CLEC4A: variants seen among roughly 807,000 people sequenced by gnomAD.
CLEC4A encodes C-type (calcium dependent, carbohydrate-recognition domain) lectin, superfamily member 6.
Under a neutral mutation model 32.7 loss-of-function variants are expected in CLEC4A, and 27 were observed. The ratio of observed to expected loss-of-function variants is 0.83; its 90% CI spans 0.61 to 1.14. The LOEUF (loss-of-function observed/expected upper bound fraction) is 1.14. CLEC4A is among the 50% of genes most tolerant of loss of function. The probability of loss-of-function intolerance (pLI) is 0.00; values close to 1 mark genes in which losing one functional copy is unlikely to be tolerated. For missense variants in CLEC4A, 253 were observed against 274.6 expected, an observed-to-expected ratio of 0.92 and a Z score of 0.55; for synonymous variants, 89 against 93.7, an observed-to-expected ratio of 0.95 and a Z score of 0.29.
intron 3 of CLEC4A, chr12:8,134,461 G>T (rs1175875280): frequency 1.9e-6 from 3 of 1,613,938 alleles, no homozygotes; most frequent in Non-Finnish European, 2.5e-6. Context: ...TCCGGGTTTT[G>T]CTCCAGCTTC....
chr12:8,136,304 C>T (rs1222163187), intron 4 of CLEC4A, among the ~76,000 whole-genome samples: 1 of 152,220 alleles, frequency 6.6e-6, no homozygotes, highest in Non-Finnish European at 1.5e-5. Context: ...CTAGCTCATG[C>T]CTGTAATCCC....
chr12:8,129,918 C>A (rs1379725286), intron 3 of CLEC4A, among the ~76,000 whole-genome samples: 7 of 152,184 alleles, frequency 4.6e-5, no homozygotes, highest in African/African-American at 1.7e-4. Context: ...TCACTACAGC[C>A]TCGACCTCCC....
At chr12:8,133,868 T>TGAGG (rs1258433896) in intron 3 of CLEC4A, 1 of 1,584,970 alleles carries the variant, frequency 6.3e-7, no homozygotes, top group Non-Finnish European at 8.6e-7. Flanking sequence ...TGCAGTGAAG[T>TGAGG]GAGGGCTCCC....
the CLEC4A span, among the ~76,000 whole-genome samples, chr12:8,103,373 G>GTTTTTTTTTTTTTTTTT: frequency 1.5e-3 from 120 of 78,014 alleles, 22 homozygotes; most frequent in East Asian, 2.4e-3. Flanking sequence ...GTTTCTTTCT[G>GTTTTTTTTTTTTTTTTT]TTGTTTTTTT....
intron 3 of CLEC4A, among the ~76,000 whole-genome samples, chr12:8,130,846 T>C (rs909211450): frequency 6.6e-6 from 1 of 152,208 alleles, no homozygotes; most frequent in Non-Finnish European, 1.5e-5. Flanking sequence ...TGGTATATTA[T>C]TAATTAAAAT....
At chr12:8,106,850 T>C in the CLEC4A span, among the ~76,000 whole-genome samples, 2 of 152,304 alleles carry the variant, frequency 1.3e-5, no homozygotes, top group Admixed American at 1.3e-4. Flanking sequence ...CTGTTACTAT[T>C]TGGATACCTT....
At position 8,123,676 on chromosome 12, in the gene CLEC4A, A is replaced by G; in HGVS notation, c.-203A>G. On this transcript the variant is annotated 5_prime_UTR_variant, in exon 1 of 6. Coordinates refer to ENST00000229332, the MANE Select transcript of CLEC4A (RefSeq NM_016184.4). The stretch of plus-strand genomic sequence containing the variant: ...GGTCCTGAGGAAAGGGCTTCTGTGA[A>G]CTGCGGTTTTTAGTTTTTATTGTGG... 1 of 544,272 alleles carries G rather than the reference A, an allele frequency of 1.8e-6. No individual in the cohort carries two copies. Among genetic ancestry groups the G allele is most frequent in the South Asian group, 2.3e-5 (1 of 43,822 alleles). 33.7% of individuals were successfully genotyped at this position (544,272 alleles called of 1,614,324 possible).
At chr12:8,129,674 C>A (rs546497792) in intron 3 of CLEC4A, among the ~76,000 whole-genome samples, 8 of 152,144 alleles carry the variant, frequency 5.3e-5, no homozygotes, top group Non-Finnish European at 7.4e-5. Context: ...ACCTGTAATC[C>A]CAGCTACTCG....
intron 3 of CLEC4A, chr12:8,134,538 C>T (rs1948058254): frequency 6.2e-7 from 1 of 1,613,798 alleles, no homozygotes; most frequent in Non-Finnish European, 8.5e-7. Context: ...ATCGGAGTTG[C>T]TCTCCACCCC....
At chr12:8,115,377 A>G in the CLEC4A span, among the ~76,000 whole-genome samples, 1 of 152,166 alleles carries the variant, frequency 6.6e-6, no homozygotes, top group South Asian at 2.1e-4. Context: ...GATTTAGTAC[A>G]TCTAAGGTGG....
the CLEC4A span, among the ~76,000 whole-genome samples, chr12:8,117,533 C>A: frequency 4.6e-5 from 7 of 151,844 alleles, no homozygotes; most frequent in Admixed American, 3.9e-4. Flanking sequence ...GCCACCGCAC[C>A]CAGCCTGCTT....
At chr12:8,138,000 A>G (rs1948155140) in intron 5 of CLEC4A, 140 bp from the exon 6 acceptor site, 1 of 861,518 alleles carries the variant, frequency 1.2e-6, no homozygotes, top group Admixed American at 3.0e-5. Flanking sequence ...GAGAAGCTGC[A>G]TGATGAGTAG....
upstream of CLEC4A, among the ~76,000 whole-genome samples, chr12:8,122,597 G>A (rs1392114882): frequency 6.6e-6 from 1 of 152,076 alleles, no homozygotes; most frequent in East Asian, 1.9e-4. Context: ...ATCTTAGCAG[G>A]TGGGAGATTG....
At chr12:8,130,900 C>T (rs1947984761) in intron 3 of CLEC4A, among the ~76,000 whole-genome samples, 1 of 152,028 alleles carries the variant, frequency 6.6e-6, no homozygotes, top group African/African-American at 2.4e-5. Context: ...ATTTTCTTTT[C>T]TGTAATAGGA....
the CLEC4A span, among the ~76,000 whole-genome samples, chr12:8,108,916 A>G: frequency 2.0e-5 from 3 of 152,114 alleles, no homozygotes; most frequent in African/African-American, 7.2e-5. Flanking sequence ...TATTCTGCCA[A>G]CGTACCTATT....
chr12:8,113,986 A>G, the CLEC4A span, among the ~76,000 whole-genome samples: 1 of 152,186 alleles, frequency 6.6e-6, no homozygotes, highest in Admixed American at 6.5e-5. Context: ...TGTTCTGTAC[A>G]GGGGGCATTC....
chr12:8,129,350 A>G lies in CLEC4A; in HGVS notation c.286A>G (p.Met96Val), dbSNP rs1324443418. ...AACATTGGAGTGTGTGAAAAAAAATATGCCCGTGGAAGGTAAAAATTAATG... is the reference window on the plus strand; with the variant it reads ...AACATTGGAGTGTGTGAAAAAAAATGTGCCCGTGGAAGGTAAAAATTAATG... ...HTTLECVKKN[M>V]PVEETAWSCC... The change falls in exon 3 of 6, where the codon ATG becomes GTG. Residue 96 changes from methionine (M) to valine (V), a missense_variant. By Grantham distance (21) the Met-to-Val change is conservative (BLOSUM62 1). Coordinates refer to ENST00000229332, the MANE Select transcript of CLEC4A (RefSeq NM_016184.4). 3.1e-6 allele frequency: 5 copies of G among 1,605,102 alleles called. No homozygotes were observed. Among genetic ancestry groups the G allele is most frequent in the Admixed American group, 3.4e-5 (2 of 59,130 alleles).
At chr12:8,108,653 T>C in the CLEC4A span, among the ~76,000 whole-genome samples, 1 of 152,212 alleles carries the variant, frequency 6.6e-6, no homozygotes, top group African/African-American at 2.4e-5. Flanking sequence ...TTTCAAAATT[T>C]TGCTAGAACT....
intron 3 of CLEC4A, among the ~76,000 whole-genome samples, chr12:8,133,015 A>G (rs912395633): frequency 6.6e-5 from 10 of 152,066 alleles, no homozygotes; most frequent in African/African-American, 1.7e-4. Flanking sequence ...CCTGGGTTCA[A>G]GCGATTCTCT....
Sources: allele counts gnomAD v4.1 joint callset (sites outside exome capture counted in the v4.1 genomes callset), GRCh38; gene constraint gnomAD v4.1.1; transcripts MANE v1.5; gene names NCBI Gene and HGNC (gene_info 2026-07-23, HGNC 2026-07-21).